TRIM24: variants seen among roughly 807,000 people sequenced by gnomAD.
TRIM24 encodes transcription intermediary factor 1-alpha.
A neutral mutation model predicts 123.9 loss-of-function variants in TRIM24; 29 were observed. The ratio of observed to expected loss-of-function variants is 0.23; its 90% CI spans 0.17 to 0.32. The LOEUF (loss-of-function observed/expected upper bound fraction) is 0.32. Among genes scored for constraint, TRIM24 ranks in the 10% least tolerant of loss-of-function variants. The pLI is 1.00. For missense variants in TRIM24, 932 were observed against 1,295.3 expected (o/e 0.72, Z 4.31); for synonymous variants, 456 against 461.1 (o/e 0.99, Z 0.14).
intron 3 of TRIM24, among the ~76,000 whole-genome samples, chr7:138,518,840 ATT>A (rs1796451130): frequency 6.6e-6 from 1 of 152,112 alleles, no homozygotes; most frequent in Non-Finnish European, 1.5e-5. Flanking sequence ...CTCCTCCCAT[ATT>A]TGGGATAGAA....
chr7:138,580,421 A>T (rs1797868494), intron 15 of TRIM24, 141 bp from the exon 16 acceptor site: 2 of 972,150 alleles, frequency 2.1e-6, no homozygotes, highest in South Asian at 3.5e-5. Context: ...ACCTAGTGGT[A>T]TGTGGTAAAT....
At position 138,581,607 on chromosome 7, in the gene TRIM24, C is replaced by T. The variant is rs1447712894; in HGVS notation, c.2719-90C>T. 5 of 1,127,422 alleles carry T rather than the reference C, an allele frequency of 4.4e-6. No individual in the cohort carries two copies. In the African/African-American group the frequency reaches 7.9e-5, roughly 18 times the overall value. 69.8% of individuals were successfully genotyped at this position (1,127,422 alleles called of 1,614,324 possible). Reference sequence around the variant, plus strand: ...CTGGGTTTTAATTTTTAGTCTGACACTTTGGGACCTCTGAGATTGTTATTT... The same window carrying T: ...CTGGGTTTTAATTTTTAGTCTGACATTTTGGGACCTCTGAGATTGTTATTT... On this transcript the variant is annotated intron_variant, in intron 16 of 18. Coordinates refer to ENST00000343526, the MANE Select transcript of TRIM24 (RefSeq NM_015905.3).
At position 138,554,594 on chromosome 7, in the gene TRIM24, A is replaced by G; in HGVS notation, c.1262-104A>G. On this transcript the variant is annotated intron_variant, in intron 8 of 18. Transcript: ENST00000343526. This position sits in a 1 kb window ranked among gnomAD's most constrained non-coding sequence, Gnocchi z 4.5. ...TGTTAAAGGGCTCATGAGATCAGAG[A>G]ATTTCTTGGCAATTTTGAAGTTCTG... is the stretch of plus-strand genomic sequence containing the variant. 1 of 1,278,860 alleles carries G rather than the reference A, an allele frequency of 7.8e-7. No homozygotes were observed. Among genetic ancestry groups the G allele is most frequent in the Non-Finnish European group, 1.1e-6 (1 of 921,442 alleles). 79.2% of individuals were successfully genotyped at this position (1,278,860 alleles called of 1,614,324 possible). A position where few individuals can be genotyped will look rare whatever the true frequency, so the allele number is the denominator to read the frequency against.
intron 1 of TRIM24, among the ~76,000 whole-genome samples, chr7:138,503,364 T>A (rs1228236752): frequency 6.6e-6 from 1 of 152,122 alleles, no homozygotes; most frequent in African/African-American, 2.4e-5. Flanking sequence ...TTAAAATATT[T>A]TAAAATATAG....
At chr7:138,506,856 G>C (rs1176608006) in intron 2 of TRIM24, among the ~76,000 whole-genome samples, 2 of 152,112 alleles carry the variant, frequency 1.3e-5, no homozygotes, top group African/African-American at 4.8e-5. Flanking sequence ...TGTCATATGG[G>C]GGATGAATTT....
At chr7:138,576,261 G>A (rs748695872) in intron 12 of TRIM24, 112 bp from the exon 13 acceptor site, 26 of 1,029,644 alleles carry the variant, frequency 2.5e-5, no homozygotes, top group Non-Finnish European at 3.7e-5. Context: ...CTGTTTCATA[G>A]AATTTCATCA....
chr7:138,575,631 T>C (rs1187340293), intron 12 of TRIM24, among the ~76,000 whole-genome samples: 1 of 152,166 alleles, frequency 6.6e-6, no homozygotes, highest in Non-Finnish European at 1.5e-5. Flanking sequence ...GAATTTTTTT[T>C]CTACTTCCCA....
chr7:138,534,070 A>G (rs1392633691), intron 6 of TRIM24, among the ~76,000 whole-genome samples: 1 of 152,010 alleles, frequency 6.6e-6, no homozygotes, highest in African/African-American at 2.4e-5. Flanking sequence ...TATCCCCTTT[A>G]ACATTTTTTA....
chr7:138,553,703 T>C (rs1225706264), intron 8 of TRIM24, among the ~76,000 whole-genome samples: 1 of 152,206 alleles, frequency 6.6e-6, no homozygotes, highest in African/African-American at 2.4e-5. Flanking sequence ...GGGATTGTTT[T>C]TAGAGCCAAT....
chr7:138,494,959 A>G (rs10215281), intron 1 of TRIM24, among the ~76,000 whole-genome samples: 122,889 of 152,086 alleles, frequency 0.81, 49,970 homozygotes, highest in African/African-American at 0.85. Flanking sequence ...ATACCATGTG[A>G]GGAAAAAAAG....
At chr7:138,509,319 AAT>A (rs904584092) in intron 2 of TRIM24, among the ~76,000 whole-genome samples, 4 of 148,374 alleles carry the variant, frequency 2.7e-5, no homozygotes, top group East Asian at 2.0e-4. Context: ...ATATATGTAT[AAT>A]ATATATATAA....
In TRIM24 at chr7:138,546,170, C is replaced by A. The variant is rs148865870; in HGVS notation, c.1144-4893C>A. Among the ~76,000 whole-genome samples, 651 of 152,272 alleles carry A rather than the reference C, an allele frequency of 4.3e-3. 6 individuals are homozygous for A. Among genetic ancestry groups the A allele is most frequent in the African/African-American group, 0.015 (636 of 41,550 alleles). On this transcript the variant is annotated intron_variant, in intron 7 of 18. Transcript: ENST00000343526. Reference sequence around the variant, plus strand: ...CAGAATTATAGATCAAGATTAATATCACCAGTGGTATGACAAGTTGACATC... The same window carrying A: ...CAGAATTATAGATCAAGATTAATATAACCAGTGGTATGACAAGTTGACATC...
chr7:138,541,284 A>C (rs377479545), intron 7 of TRIM24, among the ~76,000 whole-genome samples: 1 of 152,068 alleles, frequency 6.6e-6, no homozygotes, highest in Non-Finnish European at 1.5e-5. Flanking sequence ...CCCTGTCGCT[A>C]CCAAAAGGAG....
intron 18 of TRIM24, 39 bp downstream of exon 18, chr7:138,584,038 A>G (rs757219831): frequency 6.4e-7 from 1 of 1,565,594 alleles, no homozygotes; most frequent in Admixed American, 2.2e-5. Context: ...AAGGAACAGC[A>G]GTGTGAAAAT....
intron 2 of TRIM24, among the ~76,000 whole-genome samples, chr7:138,508,676 T>TGCGCGC (rs1554436580): frequency 3.6e-5 from 2 of 55,760 alleles, no homozygotes; most frequent in Admixed American, 1.9e-4. Flanking sequence ...TGTGTGTGTG[T>TGCGCGC]GTGTGTGTGT....
rs544864270 is a variant in TRIM24, at chr7:138,585,783, T to G, written c.*832T>G. On this transcript the variant is annotated 3_prime_UTR_variant, in exon 19 of 19. Transcript: ENST00000343526. Reference sequence around the variant, plus strand: ...GTGATCCTTTTACAACAAGCCTCATTGTTTGCAGTATAGCTTTTAGTGGAA... The same window carrying G: ...GTGATCCTTTTACAACAAGCCTCATGGTTTGCAGTATAGCTTTTAGTGGAA... The G allele has an allele frequency of 5.7e-5, 30 of 521,988 alleles. No homozygotes were observed. In the East Asian group the frequency reaches 1.6e-3, roughly 27 times the overall value. The allele number at this position is 521,988 out of a possible 1,614,324, so 32.3% of individuals were successfully genotyped here.
intron 5 of TRIM24, among the ~76,000 whole-genome samples, chr7:138,526,042 A>G (rs1175011464): frequency 1.2e-4 from 19 of 152,346 alleles, no homozygotes; most frequent in African/African-American, 4.6e-4. Flanking sequence ...TTACACACCT[A>G]TGAAATCCCA....
At chr7:138,547,065 T>C (rs193120745) in intron 7 of TRIM24, among the ~76,000 whole-genome samples, 4 of 152,262 alleles carry the variant, frequency 2.6e-5, no homozygotes, top group Admixed American at 2.0e-4. Flanking sequence ...ATAAAGAAAA[T>C]GTGGTACATA....
At chr7:138,518,424 C>A (rs1030601074) in intron 3 of TRIM24, among the ~76,000 whole-genome samples, 1 of 152,046 alleles carries the variant, frequency 6.6e-6, no homozygotes, top group African/African-American at 2.4e-5. Flanking sequence ...AAGATAACTG[C>A]GGTTTACTAT....
Sources: gnomAD v4.1 joint callset for allele counts (sites outside exome capture counted in the v4.1 genomes callset) on GRCh38, gnomAD v4.1.1 for gene constraint, Gnocchi (gnomAD v3.1) non-coding constraint, MANE v1.5 for transcripts, NCBI Gene and HGNC (gene_info 2026-07-23, HGNC 2026-07-21) for gene names.